The following NEMF variants were observed in gnomAD, a reference collection of about 807,000 sequenced individuals.
NEMF encodes nuclear export mediator factor.
A neutral mutation model predicts 162.2 loss-of-function variants in NEMF; 89 were observed. The ratio of observed to expected loss-of-function variants is 0.55; its 90% CI spans 0.46 to 0.65. The LOEUF (loss-of-function observed/expected upper bound fraction) is 0.65. Among genes scored for constraint, NEMF ranks in the 30% least tolerant of loss-of-function variants. The probability of loss-of-function intolerance (pLI) is 0.00; values close to 1 mark genes in which losing one functional copy is unlikely to be tolerated. For missense variants in NEMF, 1,133 were observed against 1,261.9 expected, an observed-to-expected ratio of 0.90 and a Z score of 1.55; for synonymous variants, 421 against 404.5, an observed-to-expected ratio of 1.04 and a Z score of -0.49.
chr14:49,786,449 G>T, intron 29 of NEMF: 1 of 420,080 alleles, frequency 2.4e-6, no homozygotes, highest in Non-Finnish European at 4.2e-6. Flanking sequence ...TTTTCTAAAT[G>T]CCCTTTACAT....
At chr14:49,796,492 G>A (rs889675632) in intron 25 of NEMF, among the ~76,000 whole-genome samples, 6 of 150,686 alleles carry the variant, frequency 4.0e-5, no homozygotes, top group Non-Finnish European at 7.4e-5. Flanking sequence ...TTTTTAAAAC[G>A]GAGTTTGTGC....
chr14:49,840,144 G>C (rs1010606975), intron 5 of NEMF, among the ~76,000 whole-genome samples: 2 of 151,978 alleles, frequency 1.3e-5, no homozygotes, highest in African/African-American at 4.8e-5. Context: ...CTCAGGGAAG[G>C]GGGAGTGAGA....
In NEMF at chr14:49,833,419, C is replaced by T; in HGVS notation, c.735+4G>A. The T allele has an allele frequency of 6.4e-7, 1 of 1,567,842 alleles. No homozygotes were observed. Among genetic ancestry groups the T allele is most frequent in the Non-Finnish European group, 8.7e-7 (1 of 1,147,256 alleles). On this transcript the variant is annotated splice_donor_region_variant and intron_variant, in intron 8 of 32. Transcript: ENST00000298310. ...CAATATATAGTAAGTATACATGGTGCTACCTTCCCACTGAAGTTGGATGTT... is the reference window on the plus strand; with the variant it reads ...CAATATATAGTAAGTATACATGGTGTTACCTTCCCACTGAAGTTGGATGTT...
rs1458152872 is a variant in NEMF, at chr14:49,839,414, A to G, written c.507-1208T>C. On this transcript the variant is annotated intron_variant, in intron 5 of 32. Coordinates refer to ENST00000298310, the MANE Select transcript of NEMF (RefSeq NM_004713.6). ...TTATTTATTTAATGTAGACTAGTTAAGTGAAGCAGTGGGAGTGGAGAAGGA... is the reference window on the plus strand; with the variant it reads ...TTATTTATTTAATGTAGACTAGTTAGGTGAAGCAGTGGGAGTGGAGAAGGA... 2.6e-5 allele frequency: 4 copies of G among 152,202 alleles called. No homozygotes were observed. In the South Asian group the frequency reaches 6.2e-4, roughly 24 times the overall value. 9.4% of individuals were successfully genotyped at this position (152,202 alleles called of 1,614,324 possible).
chr14:49,838,315 T>C, intron 5 of NEMF, 109 bp from the exon 6 acceptor site: 1 of 805,320 alleles, frequency 1.2e-6, no homozygotes, highest in East Asian at 2.6e-5. Flanking sequence ...TTTACAATAA[T>C]CTGAAACGTA....
Position 49,825,968 on chromosome 14 carries a change from AAG to A in NEMF, c.1489-15_1489-14del, listed in dbSNP as rs1164005938. The A allele has an allele frequency of 6.5e-7, 1 of 1,548,446 alleles. No homozygotes were observed. The highest frequency in any genetic ancestry group is 1.8e-5 in the Admixed American group (1 of 55,740). ...CTGACTTGAATGCCTATTTATAGAA[AAG>A]AGTTTTAAAAACAATTTGTTAAGAA... On this transcript the variant is annotated splice_polypyrimidine_tract_variant and intron_variant, in intron 15 of 32. Transcript: ENST00000298310.
At chr14:49,842,592 C>T (rs982781109) in intron 4 of NEMF, among the ~76,000 whole-genome samples, 1 of 152,168 alleles carries the variant, frequency 6.6e-6, no homozygotes, top group African/African-American at 2.4e-5. Flanking sequence ...TCACAGAATA[C>T]GGTGGGAGTA....
intron 13 of NEMF, 117 bp downstream of exon 13, chr14:49,828,937 G>C: frequency 7.7e-7 from 1 of 1,303,748 alleles, no homozygotes; most frequent in South Asian, 1.5e-5. Flanking sequence ...ATCTAAATTA[G>C]TTTTTTCCCT....
intron 3 of NEMF, among the ~76,000 whole-genome samples, chr14:49,847,623 A>G (rs904975154): frequency 1.3e-5 from 2 of 151,836 alleles, no homozygotes; most frequent in South Asian, 2.1e-4. Context: ...CTTCTAATAC[A>G]TATCAACTAT....
chr14:49,790,236 C>G (rs1890377207), intron 26 of NEMF, among the ~76,000 whole-genome samples: 1 of 152,090 alleles, frequency 6.6e-6, no homozygotes, highest in Non-Finnish European at 1.5e-5. Context: ...TCAAAAAAGA[C>G]TATTAAAAAG....
chr14:49,851,566 C>T lies in NEMF; in HGVS notation c.228G>A (p.Met76Ile), dbSNP rs369204585. ...PKNMMPSSFA[M>I]KCRKHLKSRR... Reference sequence around the variant, plus strand: ...GCTTCAAGCGTAACAAGTTTACCTTCATGGCAAAACTAGACGGCATCATAT... The same window carrying T: ...GCTTCAAGCGTAACAAGTTTACCTTTATGGCAAAACTAGACGGCATCATAT... The change falls in exon 3 of 33, where the codon ATG (methionine) becomes ATA (isoleucine). Residue 76 changes from methionine to isoleucine, a missense_variant. Around this residue, in one of 3 missense-constraint regions of NEMF, gnomAD observed 582 missense variants for 631.5 expected, o/e 0.92. Coordinates refer to ENST00000298310, the MANE Select transcript of NEMF (RefSeq NM_004713.6). The T allele has an allele frequency of 3.1e-6, 5 of 1,608,418 alleles. No individual in the cohort carries two copies. Among genetic ancestry groups the T allele is most frequent in the Non-Finnish European group, 3.4e-6 (4 of 1,175,432 alleles).
At chr14:49,840,623 C>T (rs1594800724) in intron 5 of NEMF, 95 bp downstream of exon 5, 2 of 1,050,270 alleles carry the variant, frequency 1.9e-6, no homozygotes, top group Non-Finnish European at 2.8e-6. Flanking sequence ...TGACATATGA[C>T]CCATTTTACC....
intron 15 of NEMF, among the ~76,000 whole-genome samples, chr14:49,827,107 G>A (rs1387007749): frequency 1.3e-5 from 2 of 152,190 alleles, no homozygotes; most frequent in Non-Finnish European, 2.9e-5. Flanking sequence ...CGTCCTTCTT[G>A]CAGGATAGGA....
In NEMF at chr14:49,785,334, A is replaced by ATAAC; in HGVS notation, c.2929-18_2929-15dup. On this transcript the variant is annotated splice_polypyrimidine_tract_variant and intron_variant, in intron 29 of 32. Coordinates refer to ENST00000298310, the MANE Select transcript of NEMF (RefSeq NM_004713.6). ...AAATAGGTTTTCCTAAAAAGGGAAAATAACAGTTACAAAGGCAATTTATAC... is the reference window on the plus strand; with the variant it reads ...AAATAGGTTTTCCTAAAAAGGGAAAATAACTAACAGTTACAAAGGCAATTTATAC... 1 of 1,596,840 alleles carries ATAAC rather than the reference A, an allele frequency of 6.3e-7. No homozygotes were observed.
intron 4 of NEMF, among the ~76,000 whole-genome samples, chr14:49,843,014 T>A (rs574086262): frequency 1.1e-4 from 17 of 150,250 alleles, no homozygotes; most frequent in South Asian, 1.1e-3. Context: ...CAAAAAAAAT[T>A]AAAAAATAAA....
chr14:49,808,806 A>G (rs1425257770), intron 18 of NEMF, among the ~76,000 whole-genome samples: 1 of 152,022 alleles, frequency 6.6e-6, no homozygotes, highest in Non-Finnish European at 1.5e-5. Context: ...TATCTAAAAT[A>G]TAAAAAAACT....
At chr14:49,844,899 G>C in intron 4 of NEMF, 3 of 316,082 alleles carry the variant, frequency 9.5e-6, no homozygotes, top group Admixed American at 6.8e-5. Context: ...CTCCCGAGTA[G>C]CTGGGACTAC....
rs56170989 is a variant in NEMF, at chr14:49,832,333, C to CT, written c.736-57dup. ...ATTCATAATTAACAAAGATTTACTT[C>CT]TTTTTTTTTTTTTTGATACAGTCGC... On this transcript the variant is annotated intron_variant, in intron 8 of 32. Coordinates refer to ENST00000298310, the MANE Select transcript of NEMF (RefSeq NM_004713.6). 1,135 of 812,370 alleles carry CT rather than the reference C, an allele frequency of 1.4e-3. 3 individuals are homozygous for CT. Among genetic ancestry groups the CT allele is most frequent in the African/African-American group, 0.013 (703 of 54,390 alleles). The allele number at this position is 812,370 out of a possible 1,614,324, so 50.3% of individuals were successfully genotyped here.
chr14:49,789,007 T>C (rs1164842752), intron 28 of NEMF, 139 bp downstream of exon 28: 2 of 698,542 alleles, frequency 2.9e-6, no homozygotes, highest in Non-Finnish European at 5.0e-6. Context: ...GTCTTTCAGG[T>C]TGTATTTCTG....
Sources: gnomAD v4.1 joint callset for allele counts (sites outside exome capture counted in the v4.1 genomes callset) on GRCh38, gnomAD v4.1.1 for gene constraint, gnomAD v4.1.1 regional missense constraint, MANE v1.5 for transcripts, NCBI Gene and HGNC (gene_info 2026-07-23, HGNC 2026-07-21) for gene names.